The following ACSL3 variants were observed in gnomAD, a reference collection of about 807,000 sequenced individuals.
ACSL3 encodes fatty acid CoA ligase Acsl3.
In ACSL3, 34 loss-of-function variants were observed where a neutral mutation model predicts 84.7. That is an observed-to-expected ratio of 0.40 (90% CI 0.31 to 0.53). The LOEUF (loss-of-function observed/expected upper bound fraction) is 0.53, where lower values mean the gene tolerates loss of function less well. Ranked by LOEUF, ACSL3 falls within the 20% of genes least tolerant of loss-of-function variation. The pLI, the probability that ACSL3 is intolerant of heterozygous loss-of-function variation, is 0.48. For missense variants in ACSL3, 680 were observed against 873.1 expected, an observed-to-expected ratio of 0.78 and a Z score of 2.79; for synonymous variants, 315 against 299.4, an observed-to-expected ratio of 1.05 and a Z score of -0.54.
At chr2:222,922,610 G>C in intron 8 of ACSL3, 98 bp from the exon 9 acceptor site, 1 of 1,468,236 alleles carries the variant, frequency 6.8e-7, no homozygotes, top group Non-Finnish European at 9.3e-7. Flanking sequence ...TGATGCCCTG[G>C]GGCCCTTCCA....
intron 2 of ACSL3, among the ~76,000 whole-genome samples, chr2:222,889,738 T>A (rs1324516830): frequency 6.6e-6 from 1 of 152,190 alleles, no homozygotes; most frequent in Non-Finnish European, 1.5e-5. Context: ...CTGGGCCAGA[T>A]GTTTCTCATA....
At chr2:222,938,677 C>G (rs1697232613) in intron 16 of ACSL3, among the ~76,000 whole-genome samples, 1 of 152,116 alleles carries the variant, frequency 6.6e-6, no homozygotes, top group African/African-American at 2.4e-5. Flanking sequence ...TTTCTCTTCT[C>G]AGATACAGGA....
At chr2:222,925,046 A>G (rs1201850314) in intron 11 of ACSL3, among the ~76,000 whole-genome samples, 23 of 131,228 alleles carry the variant, frequency 1.8e-4, no homozygotes, top group Admixed American at 6.1e-4. Context: ...AAAAAAAAAA[A>G]TCCATCCTGG....
At chr2:222,893,073 G>C (rs1379568944) in intron 2 of ACSL3, among the ~76,000 whole-genome samples, 1 of 152,332 alleles carries the variant, frequency 6.6e-6, no homozygotes, top group East Asian at 1.9e-4. Flanking sequence ...ATTGGTGCCT[G>C]AGTGTGGTAG....
intron 3 of ACSL3, among the ~76,000 whole-genome samples, chr2:222,903,309 C>T (rs890901892): frequency 4.6e-5 from 7 of 152,208 alleles, no homozygotes; most frequent in Middle Eastern, 3.4e-3. Flanking sequence ...ACCTGGCTAA[C>T]TTTTGTAGTT....
chr2:222,934,683 T>A lies in ACSL3; in HGVS notation c.2001T>A (p.Ile667=). The change falls in exon 16 of 17, where the codon ATT becomes ATA. Residue 667 remains isoleucine (I), a synonymous_variant. Coordinates refer to ENST00000357430, the MANE Select transcript of ACSL3 (RefSeq NM_004457.5). ...TTAAAGTGCTTTCCGAAGCTGCTAT[T>A]TCAGGTGAGTATTCGGTTAAACTGA... The part of the protein sequence containing the change: ...EVLKVLSEAA[I]SASLEKFEIP... 6.2e-7 allele frequency: 1 copy of A among 1,607,560 alleles called. No individual in the cohort carries two copies. Among genetic ancestry groups the A allele is most frequent in the Non-Finnish European group, 8.5e-7 (1 of 1,177,936 alleles).
intron 1 of ACSL3, among the ~76,000 whole-genome samples, chr2:222,877,254 G>A (rs1559278209): frequency 6.6e-6 from 1 of 152,208 alleles, no homozygotes; most frequent in Non-Finnish European, 1.5e-5. Flanking sequence ...ATGGTTAAGA[G>A]TAGTTTTGGA....
chr2:222,896,549 C>T (rs1384540145), intron 2 of ACSL3, among the ~76,000 whole-genome samples: 1 of 11,730 alleles, frequency 8.5e-5, no homozygotes. Flanking sequence ...CCCTCCCGGA[C>T]TGGGCGGCTG....
intron 1 of ACSL3, among the ~76,000 whole-genome samples, chr2:222,887,625 G>C (rs1695754504): frequency 6.6e-6 from 1 of 152,136 alleles, no homozygotes; most frequent in Non-Finnish European, 1.5e-5. Context: ...GGTGTGTAGT[G>C]TGTGTACTAT....
At chr2:222,907,359 T>A (rs1330795365) in intron 3 of ACSL3, among the ~76,000 whole-genome samples, 1 of 152,050 alleles carries the variant, frequency 6.6e-6, no homozygotes, top group East Asian at 1.9e-4. Flanking sequence ...GAGCTAGGGG[T>A]AGGAGGTGAA....
At position 222,930,668 on chromosome 2, in the gene ACSL3, AT is replaced by A; in HGVS notation, c.1590del (p.Ile530MetfsTer6). 1 of 1,614,072 alleles carries A rather than the reference AT, an allele frequency of 6.2e-7. No individual in the cohort carries two copies. The highest frequency in any genetic ancestry group is 1.1e-5 in the South Asian group (1 of 91,074). ...GCCACACCCCAGGGGTGAAATTCTT[AT>A]TGGGGGCCAAAGTGTGACAATGGGG... ...DKPHPRGEILIGGQSVTMGYY... is the reference protein window; with the variant it reads ...DKPHPRGEILXGGQSVTMGYY... On this transcript the variant is annotated frameshift_variant, in exon 14 of 17. Coordinates refer to ENST00000357430, the MANE Select transcript of ACSL3 (RefSeq NM_004457.5). LOFTEE classifies it high-confidence loss of function.
At chr2:222,909,519 A>C (rs1696385211) in intron 4 of ACSL3, 1 of 190,524 alleles carries the variant, frequency 5.2e-6, no homozygotes, top group South Asian at 1.1e-4. Context: ...TGTGGGTTGC[A>C]GTGAGTGCTT....
At position 222,903,243 on chromosome 2, in the gene ACSL3, T is replaced by C. The variant is rs542860660; in HGVS notation, c.-41+2463T>C. Among the ~76,000 whole-genome samples, 17 of 152,272 alleles carry C rather than the reference T, an allele frequency of 1.1e-4. No individual in the cohort carries two copies. In the South Asian group the frequency reaches 3.5e-3, roughly 32 times the overall value. ...CTTTTCATCTCCTGGTCTCAAGTCA[T>C]CCTCCCACTTGATTCCGCCTCTTGA... On this transcript the variant is annotated intron_variant, in intron 3 of 16. Coordinates refer to ENST00000357430, the MANE Select transcript of ACSL3 (RefSeq NM_004457.5).
chr2:222,919,591 TC>T (rs1316159077), intron 7 of ACSL3, among the ~76,000 whole-genome samples: 1 of 152,170 alleles, frequency 6.6e-6, no homozygotes, highest in Non-Finnish European at 1.5e-5. Context: ...TACTCCCTGT[TC>T]CAGTTCTTCC....
chr2:222,929,912 G>T (rs1574564529), intron 13 of ACSL3, among the ~76,000 whole-genome samples: 2 of 144,664 alleles, frequency 1.4e-5, no homozygotes, highest in African/African-American at 2.6e-5. Flanking sequence ...ATCTTAATAT[G>T]TAGTAACTCA....
At chr2:222,908,663 C>G in intron 3 of ACSL3, 70 bp from the exon 4 acceptor site, 1 of 1,092,440 alleles carries the variant, frequency 9.2e-7, no homozygotes. Flanking sequence ...TCTTCATTTG[C>G]CGATGTAACT....
intron 3 of ACSL3, among the ~76,000 whole-genome samples, chr2:222,901,643 GTTATT>G (rs1696153583): frequency 6.6e-6 from 1 of 152,034 alleles, no homozygotes; most frequent in Non-Finnish European, 1.5e-5. Context: ...TAATGAACTA[GTTATT>G]TAGGTCCAAA....
chr2:222,901,227 A>G (rs916367796), intron 3 of ACSL3, among the ~76,000 whole-genome samples: 1 of 152,242 alleles, frequency 6.6e-6, no homozygotes, highest in African/African-American at 2.4e-5. Flanking sequence ...TATATGATCA[A>G]TTTGAGTTAA....
chr2:222,925,728 G>A (rs1232836080), intron 11 of ACSL3, among the ~76,000 whole-genome samples: 2 of 152,024 alleles, frequency 1.3e-5, no homozygotes, highest in East Asian at 1.9e-4. Context: ...GAACACTTAG[G>A]GAGTTTTAAT....
Sources: gnomAD v4.1 joint callset for allele counts (sites outside exome capture counted in the v4.1 genomes callset) on GRCh38, gnomAD v4.1.1 for gene constraint, MANE v1.5 for transcripts, NCBI Gene and HGNC (gene_info 2026-07-23, HGNC 2026-07-21) for gene names.